TNNI3K: variants seen among roughly 807,000 people sequenced by gnomAD.
TNNI3K encodes serine/threonine-protein kinase TNNI3K.
In TNNI3K, 140 loss-of-function variants were observed where a neutral mutation model predicts 114.5. That is an observed-to-expected ratio of 1.22 (90% CI 1.07 to 1.41). The LOEUF is 1.41. Among genes scored for constraint, TNNI3K ranks in the 40% most tolerant of loss-of-function variants. The probability of loss-of-function intolerance (pLI) is 0.00; values close to 1 mark genes in which losing one functional copy is unlikely to be tolerated. For synonymous variants in TNNI3K, 347 were observed against 347.5 expected (o/e 1.00, Z 0.02); for missense variants, 1,125 against 1,007.6 (o/e 1.12, Z -1.58).
At chr1:74,493,476 G>A (rs1486049675) in intron 23 of TNNI3K, among the ~76,000 whole-genome samples, 4 of 152,176 alleles carry the variant, frequency 2.6e-5, no homozygotes, top group Non-Finnish European at 5.9e-5. Context: ...CCATTCACAT[G>A]CCCCAGTTCC....
At position 74,381,964 on chromosome 1, in the gene TNNI3K, A is replaced by G. The variant is rs578018111; in HGVS notation, c.1772+11572A>G. 8.5e-5 allele frequency among the ~76,000 whole-genome samples: 13 copies of G among 152,292 alleles called. No individual in the cohort carries two copies. The East Asian group carries it at 2.3e-3, about 27-fold the overall frequency. ...AAAAAATCCAAGTAAGAGAGGCTCT[A>G]TTTTTGCAGAGGATGTGTATAGCAC... On this transcript the variant is annotated intron_variant, in intron 17 of 24. Transcript: ENST00000326637.
At chr1:74,504,252 C>A (rs1669777567) in intron 23 of TNNI3K, among the ~76,000 whole-genome samples, 1 of 152,168 alleles carries the variant, frequency 6.6e-6, no homozygotes, top group Admixed American at 6.5e-5. Flanking sequence ...ATGTTAAGAA[C>A]TCCTTTTCGG....
chr1:74,381,755 G>A (rs904287767), intron 17 of TNNI3K, among the ~76,000 whole-genome samples: 1 of 152,182 alleles, frequency 6.6e-6, no homozygotes, highest in African/African-American at 2.4e-5. Context: ...TAAAAATGTA[G>A]CTGAGGGTTA....
chr1:74,414,862 A>G (rs1224253441), intron 17 of TNNI3K, among the ~76,000 whole-genome samples: 1 of 152,148 alleles, frequency 6.6e-6, no homozygotes, highest in Non-Finnish European at 1.5e-5. Context: ...CTCTGTTTCT[A>G]TTCTGGCTCC....
intron 7 of TNNI3K, among the ~76,000 whole-genome samples, chr1:74,340,322 C>G (rs1382293600): frequency 6.6e-6 from 1 of 151,982 alleles, no homozygotes; most frequent in East Asian, 1.9e-4. Flanking sequence ...TTTAAATTCT[C>G]CTTTATATGT....
intron 23 of TNNI3K, among the ~76,000 whole-genome samples, chr1:74,516,944 AC>A (rs1330179610): frequency 6.6e-6 from 1 of 152,184 alleles, no homozygotes; most frequent in Non-Finnish European, 1.5e-5. Flanking sequence ...CAACCTCTCT[AC>A]AGAAGTCTAA....
intron 17 of TNNI3K, among the ~76,000 whole-genome samples, chr1:74,408,967 A>G (rs1664750619): frequency 6.6e-6 from 1 of 151,414 alleles, no homozygotes; most frequent in Non-Finnish European, 1.5e-5. Flanking sequence ...AAGAAAGATG[A>G]CACTCATCTA....
chr1:74,411,690 A>G (rs184985892), intron 17 of TNNI3K, among the ~76,000 whole-genome samples: 1 of 152,246 alleles, frequency 6.6e-6, no homozygotes, highest in East Asian at 1.9e-4. Flanking sequence ...AAAGATAGTA[A>G]GATAGATAAA....
intron 23 of TNNI3K, among the ~76,000 whole-genome samples, chr1:74,528,418 G>C (rs768402789): frequency 6.6e-6 from 1 of 152,152 alleles, no homozygotes. Flanking sequence ...GAACACATGA[G>C]AGTGAGGAAG....
chr1:74,493,429 AG>A (rs1669174525), intron 23 of TNNI3K, among the ~76,000 whole-genome samples: 1 of 152,234 alleles, frequency 6.6e-6, no homozygotes, highest in Admixed American at 6.5e-5. Context: ...CAGAAAAAAG[AG>A]AAAAAGAAAT....
At chr1:74,344,739 T>C (rs1660912152) in intron 9 of TNNI3K, among the ~76,000 whole-genome samples, 1 of 152,184 alleles carries the variant, frequency 6.6e-6, no homozygotes, top group Non-Finnish European at 1.5e-5. Context: ...AGATTGTTTA[T>C]ATGAGAAGAT....
At chr1:74,249,129 A>C (rs1475374578) in intron 2 of TNNI3K, among the ~76,000 whole-genome samples, 1 of 151,804 alleles carries the variant, frequency 6.6e-6, no homozygotes, top group African/African-American at 2.4e-5. Context: ...TCAGGTTCCT[A>C]GATGATGTCT....
At chr1:74,446,681 G>A (rs1455242725) in intron 20 of TNNI3K, among the ~76,000 whole-genome samples, 12 of 147,390 alleles carry the variant, frequency 8.1e-5, no homozygotes, top group South Asian at 2.1e-4. Flanking sequence ...TAGGTCTAAC[G>A]TTTAAATCTT....
rs1662473310 is a variant in TNNI3K at position 74,369,431 on chromosome 1, A to G, written c.1513A>G (p.Met505Val). The G allele has an allele frequency of 6.2e-7, 1 of 1,612,026 alleles. No individual in the cohort carries two copies. The highest frequency in any genetic ancestry group is 1.3e-5 in the African/African-American group (1 of 74,834). The change falls in exon 16 of 25, where the codon ATG becomes GTG. Residue 505 changes from methionine (M) to valine (V), a missense_variant. By Grantham distance (21) the Met-to-Val change is conservative (BLOSUM62 1). Transcript: ENST00000326637. ...NTYCSKSDVDMFCREVSILCQ... is the reference protein window; with the variant it reads ...NTYCSKSDVDVFCREVSILCQ... ...CTACTGCTCCAAGTCAGATGTGGAT[A>G]TGTTTTGCCGAGAGGTGTCCATTCT...
rs910013504 is a variant in TNNI3K, at chr1:74,445,696, C to T, written c.2011+6074C>T. On this transcript the variant is annotated intron_variant, in intron 20 of 24. Transcript: ENST00000326637. ...CGGGATCTCGGCTCACTGCAAGTTC[C>T]GCCTCCCGGGTTCATGCCATTCTCC... is the stretch of plus-strand genomic sequence containing the variant. Among the ~76,000 whole-genome samples the T allele has an allele frequency of 3.6e-3, 533 of 148,426 alleles. 3 individuals are homozygous for T. Among genetic ancestry groups the T allele is most frequent in the African/African-American group, 0.012 (490 of 39,764 alleles).
chr1:74,357,953 A>G (rs1661749957), intron 11 of TNNI3K, among the ~76,000 whole-genome samples: 1 of 151,508 alleles, frequency 6.6e-6, no homozygotes. Context: ...CCTAATCACC[A>G]GTATGGAAAA....
At chr1:74,405,992 C>T (rs907765150) in intron 17 of TNNI3K, among the ~76,000 whole-genome samples, 6 of 152,206 alleles carry the variant, frequency 3.9e-5, no homozygotes, top group African/African-American at 1.4e-4. Flanking sequence ...CATCTCACAG[C>T]TCTATAGGTT....
chr1:74,244,059 A>G (rs1026115533), intron 2 of TNNI3K, among the ~76,000 whole-genome samples: 1 of 152,162 alleles, frequency 6.6e-6, no homozygotes, highest in African/African-American at 2.4e-5. Flanking sequence ...TATCTTGAAT[A>G]TTTTAATTAC....
At chr1:74,434,392 C>T (rs1037426088) in intron 17 of TNNI3K, among the ~76,000 whole-genome samples, 1 of 152,036 alleles carries the variant, frequency 6.6e-6, no homozygotes, top group African/African-American at 2.4e-5. Flanking sequence ...CTTCCAGCCT[C>T]ATCTCCTTTA....
Sources: allele counts gnomAD v4.1 joint callset (sites outside exome capture counted in the v4.1 genomes callset), GRCh38; gene constraint gnomAD v4.1.1; transcripts MANE v1.5; gene names NCBI Gene and HGNC (gene_info 2026-07-23, HGNC 2026-07-21).